The following PHACTR3 variants were observed in gnomAD, a reference collection of about 807,000 sequenced individuals.
PHACTR3 encodes the protein phosphatase and actin regulator 3, also known as protein phosphatase 1, regulatory subunit 123.
A neutral mutation model predicts 66.8 loss-of-function variants in PHACTR3; 16 were observed. The ratio of observed to expected loss-of-function variants is 0.24; its 90% CI spans 0.16 to 0.36. The LOEUF is 0.36. Among genes scored for constraint, PHACTR3 ranks in the 10% least tolerant of loss-of-function variants. The pLI, the probability that PHACTR3 is intolerant of heterozygous loss-of-function variation, is 1.00. For missense variants in PHACTR3, 647 were observed against 719.9 expected (o/e 0.90, Z 1.16); for synonymous variants, 323 against 292.1 (o/e 1.11, Z -1.08).
intron 6 of PHACTR3, among the ~76,000 whole-genome samples, 177 bp from the exon 7 acceptor site, chr20:59,774,066 C>T (rs956579392): frequency 6.6e-6 from 1 of 152,170 alleles, no homozygotes; most frequent in Non-Finnish European, 1.5e-5. Context: ...TTGTAAACAG[C>T]CATTTGCCTT....
intron 1 of PHACTR3, among the ~76,000 whole-genome samples, chr20:59,713,291 C>T (rs2146652667): frequency 6.6e-6 from 1 of 152,302 alleles, no homozygotes; most frequent in South Asian, 2.1e-4. Context: ...CTTGTGTTTT[C>T]TACTAGGCAT....
chr20:59,605,116 C>T lies in PHACTR3; in HGVS notation c.102C>T (p.Asp34=). The T allele has an allele frequency of 7.3e-7, 1 of 1,365,020 alleles. No individual in the cohort carries two copies. The highest frequency in any genetic ancestry group is 9.5e-7 in the Non-Finnish European group (1 of 1,052,618). The allele number at this position is 1,365,020 out of a possible 1,614,324, so 84.6% of individuals were successfully genotyped here. Residue 34 remains aspartate, a synonymous_variant, in exon 1 of 13, where the codon GAC becomes GAT. Coordinates refer to ENST00000371015, the MANE Select transcript of PHACTR3 (RefSeq NM_080672.5). ...ACTCCTCGGCCACCTCCTCCGCGGA[C>T]GCCGGGGAGAACCCAGGTAACGGGC... The part of the protein sequence containing the change: ...LTDSSATSSA[D]AGENPDEMDQ...
intron 1 of PHACTR3, among the ~76,000 whole-genome samples, chr20:59,616,063 A>T (rs1193240038): frequency 6.6e-6 from 1 of 152,182 alleles, no homozygotes; most frequent in Non-Finnish European, 1.5e-5. Context: ...CTCTGGTGTC[A>T]GACTGCCTGG....
chr20:59,633,724 G>A (rs751170933), intron 1 of PHACTR3, among the ~76,000 whole-genome samples: 1 of 152,168 alleles, frequency 6.6e-6, no homozygotes, highest in East Asian at 1.9e-4. Context: ...GTAAGTCATG[G>A]AAAAGGTATT....
chr20:59,697,720 C>T (rs2037351947), intron 1 of PHACTR3, among the ~76,000 whole-genome samples: 1 of 152,132 alleles, frequency 6.6e-6, no homozygotes, highest in African/African-American at 2.4e-5. Flanking sequence ...CATTTTTCAC[C>T]TAAGAGATTG....
intron 1 of PHACTR3, among the ~76,000 whole-genome samples, chr20:59,698,647 G>A (rs1273087881): frequency 3.3e-5 from 5 of 152,134 alleles, no homozygotes; most frequent in Non-Finnish European, 7.4e-5. Context: ...TAGAGAAGGG[G>A]AAAAGTTTGG....
chr20:59,753,396 C>G (rs575119831), intron 3 of PHACTR3, among the ~76,000 whole-genome samples: 3 of 152,192 alleles, frequency 2.0e-5, no homozygotes, highest in Admixed American at 6.5e-5. Context: ...GCAGCGATGA[C>G]AAGCTCAAAT....
chr20:59,838,097 T>G (rs927642438), intron 9 of PHACTR3, among the ~76,000 whole-genome samples: 1 of 152,184 alleles, frequency 6.6e-6, no homozygotes, highest in East Asian at 1.9e-4. Context: ...GCCATGGCAA[T>G]CCCGCCATAA....
At chr20:59,715,075 A>T (rs1334337389) in intron 1 of PHACTR3, among the ~76,000 whole-genome samples, 4 of 152,206 alleles carry the variant, frequency 2.6e-5, no homozygotes, top group Non-Finnish European at 4.4e-5. Flanking sequence ...GATTTTCTAA[A>T]AACATTTCTC....
rs2040005399 is a variant in PHACTR3, at chr20:59,761,929, GTCT to G, written c.542-5251_542-5249del. On this transcript the variant is annotated intron_variant, in intron 4 of 12. Transcript: ENST00000371015. ...GGTCCCCCAAATGCAGGGAACCAGTGTCTTCTTCCACTTTTTAAAAAATTGATT... is the reference window on the plus strand; with the variant it reads ...GGTCCCCCAAATGCAGGGAACCAGTGTCTTCCACTTTTTAAAAAATTGATT... Among the ~76,000 whole-genome samples the G allele has an allele frequency of 2.0e-5, 3 of 152,358 alleles. 1 individual carries two copies. Among genetic ancestry groups the G allele is most frequent in the Admixed American group, 2.0e-4 (3 of 15,308 alleles).
intron 12 of PHACTR3, among the ~76,000 whole-genome samples, chr20:59,846,016 G>A (rs563597367): frequency 5.1e-4 from 78 of 152,146 alleles, no homozygotes; most frequent in Non-Finnish European, 9.0e-4. Flanking sequence ...GGCCATGACC[G>A]GTAGTAATTA....
intron 1 of PHACTR3, among the ~76,000 whole-genome samples, chr20:59,726,998 G>C (rs188580369): frequency 6.6e-6 from 1 of 152,258 alleles, no homozygotes; most frequent in East Asian, 1.9e-4. Context: ...TGTGCAGTGA[G>C]TGCAGTCACA....
At chr20:59,836,901 G>C (rs565855696) in intron 9 of PHACTR3, among the ~76,000 whole-genome samples, 1 of 152,148 alleles carries the variant, frequency 6.6e-6, no homozygotes, top group African/African-American at 2.4e-5. Flanking sequence ...AGCATGAACC[G>C]CATGAACACA....
chr20:59,690,840 T>A (rs1233396421), intron 1 of PHACTR3, among the ~76,000 whole-genome samples: 2 of 152,158 alleles, frequency 1.3e-5, no homozygotes, highest in Non-Finnish European at 2.9e-5. Flanking sequence ...TACCTGTTCA[T>A]ATTACCAAAG....
intron 1 of PHACTR3, among the ~76,000 whole-genome samples, chr20:59,646,063 C>T (rs560012629): frequency 6.6e-6 from 1 of 152,288 alleles, no homozygotes; most frequent in South Asian, 2.1e-4. Context: ...TAGGATCTTA[C>T]CCCCAGCCCC....
chr20:59,674,392 GT>G lies in PHACTR3; in HGVS notation c.119-68713del, dbSNP rs1358554577. Among the ~76,000 whole-genome samples, 9 of 145,092 alleles carry G rather than the reference GT, an allele frequency of 6.2e-5. 1 individual carries two copies. Among genetic ancestry groups the G allele is most frequent in the South Asian group, 2.3e-4 (1 of 4,408 alleles). On this transcript the variant is annotated intron_variant, in intron 1 of 12. Transcript: ENST00000371015. Reference sequence around the variant, plus strand: ...TTCTCCTGTTCCTTCCCCTTCTCCTGTTCCTCCTTCTCCTGTTCCTTCCCCT... The same window carrying G: ...TTCTCCTGTTCCTTCCCCTTCTCCTGTCCTCCTTCTCCTGTTCCTTCCCCT...
chr20:59,642,707 G>A (rs926937995), intron 1 of PHACTR3, among the ~76,000 whole-genome samples: 7 of 152,088 alleles, frequency 4.6e-5, no homozygotes, highest in African/African-American at 1.7e-4. Context: ...AAGGCTGCCT[G>A]CCTTTTTGTG....
rs909529110 is a variant in PHACTR3 at position 59,726,669 on chromosome 20, G to A, written c.119-16438G>A. ...AATTTACCATTTCAACCCTTTTAAA[G>A]GGTACGATTCATGTGTGCCAATCAT... is the stretch of plus-strand genomic sequence containing the variant. On this transcript the variant is annotated intron_variant, in intron 1 of 12. Coordinates refer to ENST00000371015, the MANE Select transcript of PHACTR3 (RefSeq NM_080672.5). Among the ~76,000 whole-genome samples the A allele has an allele frequency of 5.3e-5, 8 of 152,224 alleles. No individual in the cohort carries two copies. The East Asian group carries it at 1.5e-3, about 29-fold the overall frequency.
Position 59,647,452 on chromosome 20 carries a change from C to G in PHACTR3, c.118+42320C>G, listed in dbSNP as rs542447128. ...GGAGTTTAGGGTACCAGGTGGAAGG[C>G]CCCCTGAGGTTGGGGAGGGTGGTGC... On this transcript the variant is annotated intron_variant, in intron 1 of 12. Coordinates refer to ENST00000371015, the MANE Select transcript of PHACTR3 (RefSeq NM_080672.5). 5.3e-5 allele frequency among the ~76,000 whole-genome samples: 8 copies of G among 152,166 alleles called. No homozygotes were observed. The East Asian group carries it at 5.8e-4, about 11-fold the overall frequency.
Sources: gnomAD v4.1 joint callset for allele counts (sites outside exome capture counted in the v4.1 genomes callset) on GRCh38, gnomAD v4.1.1 for gene constraint, MANE v1.5 for transcripts, NCBI Gene and HGNC (gene_info 2026-07-23, HGNC 2026-07-21) for gene names.